TENM2: variants seen among roughly 807,000 people sequenced by gnomAD.
The protein encoded by TENM2 is teneurin-2.
TENM2 carries 52 observed loss-of-function variants against 245.2 expected under a neutral mutation model. That is an observed-to-expected ratio of 0.21 (90% CI 0.17 to 0.27). The LOEUF (loss-of-function observed/expected upper bound fraction) is 0.27. TENM2 is among the 10% of genes least tolerant of loss of function. The pLI is 1.00. For missense variants in TENM2, 3,046 were observed against 3,666.8 expected (o/e 0.83, Z 4.37); for synonymous variants, 1,363 against 1,438.9 (o/e 0.95, Z 1.19).
At position 167,648,620 on chromosome 5, in the gene TENM2, G is replaced by T. The variant is rs74522779; in HGVS notation, c.503-227366G>T. On this transcript the variant is annotated intron_variant, in intron 2 of 28. Coordinates refer to ENST00000518659, the Ensembl canonical transcript of TENM2. ...AAGTCTGTTTGATGTCAGTCTCCAG[G>T]GAGAAGCGATGCGACTGTTCTCTTG... is the stretch of plus-strand genomic sequence containing the variant. Among the ~76,000 whole-genome samples, 742 of 152,308 alleles carry T rather than the reference G, an allele frequency of 4.9e-3. 5 individuals are homozygous for T. The highest frequency in any genetic ancestry group is 0.03 in the East Asian group (158 of 5,184).
exon 14 of TENM2, chr5:168,190,464 G>A (rs753326451): frequency 6.2e-7 from 1 of 1,614,008 alleles, no homozygotes; most frequent in Non-Finnish European, 8.5e-7. Context: ...GGCCCGCAGT[G>A]AAGTCCTTCT....
intron 2 of TENM2, among the ~76,000 whole-genome samples, chr5:167,420,221 G>T (rs1353026329): frequency 2.0e-5 from 3 of 152,154 alleles, no homozygotes; most frequent in African/African-American, 7.2e-5. Context: ...GGAAATTGTA[G>T]GCTATGAGAC....
At chr5:167,177,960 A>G in the TENM2 span, among the ~76,000 whole-genome samples, 1 of 152,230 alleles carries the variant, frequency 6.6e-6, no homozygotes, top group African/African-American at 2.4e-5. Context: ...CTCAGCTGCC[A>G]CCTATTAACA....
At chr5:167,135,547 T>C in the TENM2 span, among the ~76,000 whole-genome samples, 35,348 of 151,892 alleles carry the variant, frequency 0.23, 7,417 homozygotes, top group African/African-American at 0.56. Context: ...GAGGCTGAGG[T>C]GGGCAGATGA....
In TENM2 at chr5:167,907,524, AATATATATATATATATATAT is replaced by A. The variant is rs56159044; in HGVS notation, c.712+31358_712+31377del. Among the ~76,000 whole-genome samples the A allele has an allele frequency of 8.5e-3, 667 of 78,246 alleles. 17 individuals carry two copies. The highest frequency in any genetic ancestry group is 0.018 in the African/African-American group (521 of 28,278). The allele number at this position is 78,246 out of a possible 152,430, so 51.3% of individuals were successfully genotyped here. A position where few individuals can be genotyped will look rare whatever the true frequency, so the allele number is the denominator to read the frequency against. Reference sequence around the variant, plus strand: ...TAGTAATTTTGTTTAGATCACCCTAAATATATATATATATATATATATATATATATATATATATATATATA... The same window carrying A: ...TAGTAATTTTGTTTAGATCACCCTAAATATATATATATATATATATATATA... On this transcript the variant is annotated intron_variant, in intron 3 of 28. Coordinates refer to ENST00000518659, the Ensembl canonical transcript of TENM2.
At chr5:167,329,551 C>CAAAAAAAAAAAAAA (rs34165505) in intron 1 of TENM2, among the ~76,000 whole-genome samples, 2 of 21,936 alleles carry the variant, frequency 9.1e-5, no homozygotes, top group African/African-American at 1.8e-4. Context: ...GACTCAGTCT[C>CAAAAAAAAAAAAAA]AAAAAAAAAA....
chr5:167,667,250 A>G (rs867505217), intron 2 of TENM2, among the ~76,000 whole-genome samples: 15 of 152,254 alleles, frequency 9.9e-5, no homozygotes, highest in South Asian at 2.1e-4. Context: ...GCCTTTGAGG[A>G]CTAAAGAATC....
At chr5:168,008,496 T>C (rs1300419138) in intron 5 of TENM2, among the ~76,000 whole-genome samples, 2 of 152,104 alleles carry the variant, frequency 1.3e-5, no homozygotes, top group Non-Finnish European at 1.5e-5. Context: ...TGTTGATTGA[T>C]TGAGGATTCA....
intron 1 of TENM2, among the ~76,000 whole-genome samples, chr5:167,288,327 A>C (rs1754413362): frequency 6.6e-6 from 1 of 152,132 alleles, no homozygotes; most frequent in African/African-American, 2.4e-5. Flanking sequence ...TGGGAGGCCG[A>C]GGTGGGCGGA....
chr5:167,365,803 A>AT (rs1760014996), intron 1 of TENM2, among the ~76,000 whole-genome samples: 1 of 152,068 alleles, frequency 6.6e-6, no homozygotes, highest in East Asian at 1.9e-4. Flanking sequence ...ACAAAACAGT[A>AT]TTGAGAAACA....
chr5:167,981,841 G>A (rs1235239515), intron 4 of TENM2, among the ~76,000 whole-genome samples: 2 of 152,012 alleles, frequency 1.3e-5, no homozygotes, highest in African/African-American at 4.8e-5. Context: ...AGGCGTGGTG[G>A]CGTGCACCTG....
chr5:168,256,980 A>G (rs1389455450), intron 27 of TENM2, among the ~76,000 whole-genome samples: 7 of 152,200 alleles, frequency 4.6e-5, no homozygotes, highest in Admixed American at 3.9e-4. Flanking sequence ...TCACACTACT[A>G]CTAGTCAGGG....
At chr5:167,759,249 C>A (rs968730709) in intron 2 of TENM2, among the ~76,000 whole-genome samples, 1 of 151,442 alleles carries the variant, frequency 6.6e-6, no homozygotes, top group Non-Finnish European at 1.5e-5. Flanking sequence ...TCTTTCATAA[C>A]AATAAGGCTA....
intron 12 of TENM2, chr5:168,139,663 G>A (rs1755361081): frequency 2.3e-6 from 1 of 436,536 alleles, no homozygotes; most frequent in South Asian, 1.6e-5. Context: ...AGAGCCTCTA[G>A]AAAGAGTTGT....
intron 14 of TENM2, among the ~76,000 whole-genome samples, chr5:168,193,224 A>T (rs1186598124): frequency 1.3e-5 from 2 of 152,240 alleles, no homozygotes; most frequent in Admixed American, 6.5e-5. Flanking sequence ...ACTCCAAGAC[A>T]TAGGTTGAAG....
the TENM2 span, among the ~76,000 whole-genome samples, chr5:167,241,610 T>C: frequency 6.6e-6 from 1 of 152,154 alleles, no homozygotes; most frequent in Non-Finnish European, 1.5e-5. Context: ...AGAAGGGTGC[T>C]TCACAAAGAA....
chr5:167,519,545 A>G (rs537851714), intron 2 of TENM2, among the ~76,000 whole-genome samples: 3 of 152,172 alleles, frequency 2.0e-5, no homozygotes, highest in Admixed American at 1.3e-4. Flanking sequence ...TTTATTATGT[A>G]TTGGAGCCAA....
chr5:167,847,330 C>T (rs762292765), intron 2 of TENM2, among the ~76,000 whole-genome samples: 1 of 152,228 alleles, frequency 6.6e-6, no homozygotes, highest in African/African-American at 2.4e-5. Flanking sequence ...TTAAATGCCT[C>T]CACCCACAGT....
At chr5:167,444,061 G>T (rs1051644278) in intron 2 of TENM2, among the ~76,000 whole-genome samples, 1 of 151,876 alleles carries the variant, frequency 6.6e-6, no homozygotes, top group Non-Finnish European at 1.5e-5. Flanking sequence ...TCCTTAATTT[G>T]TAGTGACTAT....
Sources: gnomAD v4.1 joint callset for allele counts (sites outside exome capture counted in the v4.1 genomes callset) on GRCh38, gnomAD v4.1.1 for gene constraint, MANE v1.5 for transcripts, NCBI Gene and HGNC (gene_info 2026-07-23, HGNC 2026-07-21) for gene names.